TMEM169: variants seen among roughly 807,000 people sequenced by gnomAD.
TMEM169 encodes transmembrane protein 169.
TMEM169 carries 18 observed loss-of-function variants against 27.3 expected under a neutral mutation model. That is an observed-to-expected ratio of 0.66 (90% CI 0.46 to 0.98). The LOEUF is 0.98. Among genes scored for constraint, TMEM169 ranks in the 50% least tolerant of loss-of-function variants. TMEM169 has a pLI of 0.00. For missense variants in TMEM169, 320 were observed against 368.6 expected (o/e 0.87, Z 1.08); for synonymous variants, 136 against 142.1 (o/e 0.96, Z 0.30).
At chr2:216,085,404 T>TA (rs954384964) in intron 1 of TMEM169, among the ~76,000 whole-genome samples, 1 of 151,986 alleles carries the variant, frequency 6.6e-6, no homozygotes, top group Non-Finnish European at 1.5e-5. Flanking sequence ...CTCAAAAAAT[T>TA]AAAAAAATTA....
At position 216,099,892 on chromosome 2, in the gene TMEM169, T is replaced by G. The variant is rs1459170709; in HGVS notation, c.272-28T>G. The G allele has an allele frequency of 3.8e-6, 6 of 1,588,104 alleles. No individual in the cohort carries two copies. Among genetic ancestry groups the G allele is most frequent in the Non-Finnish European group, 5.1e-6 (6 of 1,169,416 alleles). ...GATGCAATGCCCACTCTTCTGATCT[T>G]GACTCTCACCTCCTTTGTACCCTGC... is the stretch of plus-strand genomic sequence containing the variant. On this transcript the variant is annotated intron_variant, in intron 2 of 2. Transcript: ENST00000437356. This position sits in a 1 kb window ranked among gnomAD's most constrained non-coding sequence, Gnocchi z 5.0.
chr2:216,091,299 G>A (rs1356440968), intron 1 of TMEM169, among the ~76,000 whole-genome samples: 7 of 152,154 alleles, frequency 4.6e-5, no homozygotes, highest in African/African-American at 1.7e-4. Flanking sequence ...AGGCTCAGTG[G>A]CTCACACCTG....
chr2:216,084,491 T>C (rs1377951544), intron 1 of TMEM169, among the ~76,000 whole-genome samples: 1 of 152,236 alleles, frequency 6.6e-6, no homozygotes, highest in Non-Finnish European at 1.5e-5. Flanking sequence ...ATCGAGCATC[T>C]ATTTGTTGGC....
At chr2:216,082,960 A>G (rs1286447253) in intron 1 of TMEM169, 1 of 152,230 alleles carries the variant, frequency 6.6e-6, no homozygotes, top group Non-Finnish European at 1.5e-5. Flanking sequence ...CCAATTGGAA[A>G]TGGGTCTGGT....
At chr2:216,083,953 C>T (rs556545375) in intron 1 of TMEM169, among the ~76,000 whole-genome samples, 2 of 152,154 alleles carry the variant, frequency 1.3e-5, no homozygotes, top group Non-Finnish European at 2.9e-5. Flanking sequence ...TTAGTTCTGC[C>T]TCTGGTTGAG....
intron 1 of TMEM169, among the ~76,000 whole-genome samples, chr2:216,086,759 T>C (rs1696008733): frequency 6.6e-6 from 1 of 152,254 alleles, no homozygotes; most frequent in Non-Finnish European, 1.5e-5. Flanking sequence ...AGACAGTTCC[T>C]AAACTCTAGA....
At chr2:216,088,833 T>A (rs1175781195) in intron 1 of TMEM169, among the ~76,000 whole-genome samples, 1 of 152,146 alleles carries the variant, frequency 6.6e-6, no homozygotes, top group Non-Finnish European at 1.5e-5. Flanking sequence ...TTCCCCCTTC[T>A]CCTTTTTTCT....
chr2:216,086,157 C>T (rs1240760916), intron 1 of TMEM169, among the ~76,000 whole-genome samples: 8 of 151,872 alleles, frequency 5.3e-5, no homozygotes, highest in East Asian at 1.9e-4. Context: ...CTCTGCCTCC[C>T]GGGTTCAAGC....
intron 1 of TMEM169, among the ~76,000 whole-genome samples, chr2:216,086,846 C>G (rs1478270651): frequency 6.6e-6 from 1 of 152,160 alleles, no homozygotes; most frequent in African/African-American, 2.4e-5. Flanking sequence ...TGAAATGCTG[C>G]ATAATTAAGT....
At chr2:216,097,574 C>T (rs1296305744) in intron 2 of TMEM169, among the ~76,000 whole-genome samples, 1 of 151,674 alleles carries the variant, frequency 6.6e-6, no homozygotes, top group Admixed American at 6.6e-5. Flanking sequence ...GACAACATCT[C>T]GAAAAAATAA....
Position 216,090,856 on chromosome 2 carries a change from G to T in TMEM169, c.-126-4982G>T, listed in dbSNP as rs117135021. On this transcript the variant is annotated intron_variant, in intron 1 of 2. Coordinates refer to ENST00000437356, the MANE Select transcript of TMEM169 (RefSeq NM_001142311.2). ...GTGACATCTGATATATTCCAGACTTGCAGGAAACTAACAGTAAAAAGGATC... is the reference window on the plus strand; with the variant it reads ...GTGACATCTGATATATTCCAGACTTTCAGGAAACTAACAGTAAAAAGGATC... Among the ~76,000 whole-genome samples the T allele has an allele frequency of 3.5e-3, 528 of 152,250 alleles. 9 individuals carry two copies. The East Asian group carries it at 0.063, about 18-fold the overall frequency.
chr2:216,100,476 C>A lies in TMEM169; in HGVS notation c.828C>A (p.Ser276=). 6.2e-7 allele frequency: 1 copy of A among 1,613,902 alleles called. No individual in the cohort carries two copies. The highest frequency in any genetic ancestry group is 1.1e-5 in the South Asian group (1 of 91,068). The change falls in exon 3 of 3, where the codon TCC becomes TCA. Residue 276 remains serine (S), a synonymous_variant. Transcript: ENST00000437356. ...SPYSIVELLE[S]DNISSTLSNK... is the part of the protein sequence containing the mutation. Reference sequence around the variant, plus strand: ...ACAGCATTGTGGAGTTGCTTGAATCCGACAATATCTCAAGCACTCTCTCCA... The same window carrying A: ...ACAGCATTGTGGAGTTGCTTGAATCAGACAATATCTCAAGCACTCTCTCCA...
chr2:216,084,859 T>C (rs1695960234), intron 1 of TMEM169, among the ~76,000 whole-genome samples: 1 of 152,206 alleles, frequency 6.6e-6, no homozygotes, highest in Non-Finnish European at 1.5e-5. Flanking sequence ...TGGAGCATAG[T>C]ACCCCTACTA....
intron 2 of TMEM169, among the ~76,000 whole-genome samples, chr2:216,096,485 C>T (rs1696267356): frequency 6.6e-6 from 1 of 152,212 alleles, no homozygotes; most frequent in South Asian, 2.1e-4. Flanking sequence ...CTGCCTCAGC[C>T]TCCTGAGTAG....
intron 1 of TMEM169, among the ~76,000 whole-genome samples, chr2:216,087,030 G>C (rs1696015333): frequency 6.6e-6 from 1 of 152,184 alleles, no homozygotes; most frequent in Non-Finnish European, 1.5e-5. Flanking sequence ...GGTGGGAGGA[G>C]AGGACGTGGG....
chr2:216,091,818 C>T lies in TMEM169; in HGVS notation c.-126-4020C>T, dbSNP rs141069188. Among the ~76,000 whole-genome samples, 565 of 152,254 alleles carry T rather than the reference C, an allele frequency of 3.7e-3. 1 individual carries two copies. Among genetic ancestry groups the T allele is most frequent in the African/African-American group, 0.013 (547 of 41,544 alleles). ...GGGAGATTGTTGTTGATCAATTGAACAGGTTTAAAACTGGTTCTATTGTCT... is the reference window on the plus strand; with the variant it reads ...GGGAGATTGTTGTTGATCAATTGAATAGGTTTAAAACTGGTTCTATTGTCT... On this transcript the variant is annotated intron_variant, in intron 1 of 2. Transcript: ENST00000437356.
At chr2:216,098,360 A>G (rs1490590338) in intron 2 of TMEM169, among the ~76,000 whole-genome samples, 4 of 152,152 alleles carry the variant, frequency 2.6e-5, no homozygotes, top group Non-Finnish European at 5.9e-5. Context: ...TCAGGATGCA[A>G]TCTGAACTTG....
At chr2:216,096,296 G>T (rs1696263722) in intron 2 of TMEM169, 62 bp downstream of exon 2, 2 of 1,553,506 alleles carry the variant, frequency 1.3e-6, no homozygotes, top group South Asian at 1.2e-5. Context: ...GCATCTTCCA[G>T]AACAGACAGG....
rs1696411583 is a variant in TMEM169 at position 216,102,208 on chromosome 2, A to AT, written c.*1669dup. The stretch of plus-strand genomic sequence containing the variant: ...GTAGCCCTAAGTACAAAGAAGCCAG[A>AT]TTTAGCCTTCTGTTGTTTGGCAAAA... On this transcript the variant is annotated 3_prime_UTR_variant, in exon 3 of 3. Transcript: ENST00000437356. The AT allele has an allele frequency of 1.3e-5, 2 of 152,296 alleles. No homozygotes were observed. The highest frequency in any genetic ancestry group is 4.1e-4 in the South Asian group (2 of 4,824). The allele number at this position is 152,296 out of a possible 1,614,324, so 9.4% of individuals were successfully genotyped here. A position where few individuals can be genotyped will look rare whatever the true frequency, so the allele number is the denominator to read the frequency against.
Sources: allele counts gnomAD v4.1 joint callset (sites outside exome capture counted in the v4.1 genomes callset), GRCh38; gene constraint gnomAD v4.1.1; non-coding constraint Gnocchi (gnomAD v3.1); transcripts MANE v1.5; gene names NCBI Gene and HGNC (gene_info 2026-07-23, HGNC 2026-07-21).